The following COL22A1 variants were observed in gnomAD, a reference collection of about 807,000 sequenced individuals.
The protein encoded by COL22A1 is collagen type XXII alpha 1 chain, also known as collagen alpha-1(XXII) chain.
COL22A1 carries 221 observed loss-of-function variants against 248.9 expected under a neutral mutation model. The observed-to-expected ratio is 0.89, with a 90% confidence interval of 0.80 to 0.99. The LOEUF (loss-of-function observed/expected upper bound fraction) is 0.99, where lower values mean the gene tolerates loss of function less well. COL22A1 is among the 50% of genes least tolerant of loss of function. COL22A1 has a pLI of 0.00. For missense variants in COL22A1, 2,240 were observed against 2,179.0 expected, an observed-to-expected ratio of 1.03 and a Z score of -0.56; for synonymous variants, 891 against 793.4, an observed-to-expected ratio of 1.12 and a Z score of -2.07.
intron 11 of COL22A1, 115 bp from the exon 12 acceptor site, chr8:138,796,972 G>C: frequency 8.0e-6 from 6 of 754,156 alleles, no homozygotes; most frequent in Non-Finnish European, 2.4e-6. Flanking sequence ...CATCAGCTCT[G>C]CCCAGTAGCC....
intron 3 of COL22A1, among the ~76,000 whole-genome samples, chr8:138,850,699 C>T (rs780044225): frequency 6.6e-6 from 1 of 152,218 alleles, no homozygotes; most frequent in South Asian, 2.1e-4. Context: ...GGGGAAAGAA[C>T]CTCGAGCTCC....
intron 25 of COL22A1, 38 bp downstream of exon 25, chr8:138,724,577 G>A: frequency 6.2e-7 from 1 of 1,601,338 alleles, no homozygotes. Flanking sequence ...AATGGGGAGA[G>A]GGAGGAGGGG....
chr8:138,863,272 T>C (rs1048378724), intron 3 of COL22A1, among the ~76,000 whole-genome samples: 27 of 152,226 alleles, frequency 1.8e-4, no homozygotes, highest in African/African-American at 6.0e-4. Context: ...CTGTTGCCCA[T>C]CTAGGGACAG....
intron 20 of COL22A1, 80 bp from the exon 21 acceptor site, chr8:138,755,290 C>T: frequency 6.9e-7 from 1 of 1,450,970 alleles, no homozygotes. Context: ...ATGGCCCTCT[C>T]CTGACTCAAA....
In COL22A1 at chr8:138,685,325, G is replaced by T. The variant is rs1399855383; in HGVS notation, c.2863-13C>A. ...CCCCCGCTGCACCCTGGAAAGAAAA[G>T]TAGACATTTCCCAGGGTCAATTACA... On this transcript the variant is annotated splice_polypyrimidine_tract_variant and intron_variant, in intron 37 of 64. Coordinates refer to ENST00000303045, the MANE Select transcript of COL22A1 (RefSeq NM_152888.3). 1 of 1,608,578 alleles carries T rather than the reference G, an allele frequency of 6.2e-7. No individual in the cohort carries two copies. The highest frequency in any genetic ancestry group is 8.5e-7 in the Non-Finnish European group (1 of 1,175,408).
chr8:138,692,012 C>T (rs56651252), intron 35 of COL22A1, among the ~76,000 whole-genome samples: 2 of 83,132 alleles, frequency 2.4e-5, no homozygotes, highest in South Asian at 7.3e-4. Flanking sequence ...GTGCATGTTT[C>T]TGGAGGTGTA....
chr8:138,842,284 A>C (rs1454581803), intron 4 of COL22A1, among the ~76,000 whole-genome samples: 1 of 152,256 alleles, frequency 6.6e-6, no homozygotes, highest in Non-Finnish European at 1.5e-5. Flanking sequence ...TTTGGCACAC[A>C]GTAAATGCTC....
At chr8:138,660,967 C>T (rs1587796203) in intron 43 of COL22A1, among the ~76,000 whole-genome samples, 1 of 58,684 alleles carries the variant, frequency 1.7e-5, no homozygotes, top group East Asian at 4.7e-4. Context: ...CACACACGCA[C>T]ACACACATAC....
At chr8:138,829,701 A>C (rs1239217475) in intron 5 of COL22A1, among the ~76,000 whole-genome samples, 1 of 151,942 alleles carries the variant, frequency 6.6e-6, no homozygotes, top group Non-Finnish European at 1.5e-5. Flanking sequence ...TGGCCTCCCA[A>C]AGTGCTAGGA....
rs374503772 is a variant in COL22A1, at chr8:138,606,468, T to C, written c.4033-16A>G. The C allele has an allele frequency of 6.2e-7, 1 of 1,612,096 alleles. No individual in the cohort carries two copies. Among genetic ancestry groups the C allele is most frequent in the Non-Finnish European group, 8.5e-7 (1 of 1,179,196 alleles). On this transcript the variant is annotated splice_polypyrimidine_tract_variant and intron_variant, in intron 57 of 64. Coordinates refer to ENST00000303045, the MANE Select transcript of COL22A1 (RefSeq NM_152888.3). ...CTTTCTGGCCCTGCAAAGAGAAAAC[T>C]GAGAATTAATTCCTCAAGGTCACGT...
chr8:138,879,618 G>A (rs1408956010), intron 2 of COL22A1, among the ~76,000 whole-genome samples: 5 of 149,432 alleles, frequency 3.3e-5, no homozygotes, highest in African/African-American at 1.2e-4. Context: ...TTTGAGCCGG[G>A]AGGTGGAGGT....
intron 12 of COL22A1, among the ~76,000 whole-genome samples, chr8:138,793,315 G>A (rs1030613563): frequency 6.6e-6 from 1 of 151,970 alleles, no homozygotes; most frequent in African/African-American, 2.4e-5. Flanking sequence ...GGCCCACTCT[G>A]GTCTCCTCAT....
At position 138,627,018 on chromosome 8, in the gene COL22A1, G is replaced by T. The variant is rs1023381553; in HGVS notation, c.3664-775C>A. 3.9e-5 allele frequency among the ~76,000 whole-genome samples: 6 copies of T among 152,218 alleles called. No homozygotes were observed. The East Asian group carries it at 1.2e-3, about 29-fold the overall frequency. ...GTGCTTACTGGGAGATAAGACACAGGTGCCAGGTTTTACATTCTAATTCAC... is the reference window on the plus strand; with the variant it reads ...GTGCTTACTGGGAGATAAGACACAGTTGCCAGGTTTTACATTCTAATTCAC... On this transcript the variant is annotated intron_variant, in intron 50 of 64. Coordinates refer to ENST00000303045, the MANE Select transcript of COL22A1 (RefSeq NM_152888.3).
chr8:138,716,111 A>G, intron 29 of COL22A1, 116 bp downstream of exon 29: 6 of 787,824 alleles, frequency 7.6e-6, no homozygotes, highest in Admixed American at 2.8e-5. Context: ...TGAGAAATAC[A>G]CTCTTCACCC....
At chr8:138,775,199 G>A (rs1412356226) in intron 16 of COL22A1, among the ~76,000 whole-genome samples, 2 of 152,282 alleles carry the variant, frequency 1.3e-5, no homozygotes, top group Admixed American at 6.5e-5. Context: ...GCTCCAGATC[G>A]TAAGGAACTC....
intron 1 of COL22A1, among the ~76,000 whole-genome samples, chr8:138,903,959 A>AT (rs1455660695): frequency 6.6e-6 from 1 of 152,130 alleles, no homozygotes; most frequent in Non-Finnish European, 1.5e-5. Context: ...CGAGAACAAG[A>AT]TAAGATGCTT....
chr8:138,837,694 G>A lies in COL22A1; in HGVS notation c.734-4544C>T, dbSNP rs933169481. On this transcript the variant is annotated intron_variant, in intron 4 of 64. Transcript: ENST00000303045. ...GCCTGAGGAGCCCCAGCAGTGGGAG[G>A]GGCTGGTGCCTCTGAATGGGGGAGC... 4.6e-5 allele frequency among the ~76,000 whole-genome samples: 7 copies of A among 152,288 alleles called. No homozygotes were observed. The South Asian group carries it at 1.5e-3, about 32-fold the overall frequency.
chr8:138,636,734 AT>A lies in COL22A1; in HGVS notation c.3555+7del. 1 of 1,610,588 alleles carries A rather than the reference AT, an allele frequency of 6.2e-7. No individual in the cohort carries two copies. Among genetic ancestry groups the A allele is most frequent in the Non-Finnish European group, 8.5e-7 (1 of 1,176,962 alleles). ...GGGTGAATGGTTCCTTATAAAGTAA[AT>A]TTTTACCTGATCACCTTTCTGCCCA... On this transcript the variant is annotated splice_region_variant and intron_variant, in intron 48 of 64. Coordinates refer to ENST00000303045, the MANE Select transcript of COL22A1 (RefSeq NM_152888.3).
chr8:138,775,910 C>A (rs1427577481), intron 16 of COL22A1, 56 bp downstream of exon 16: 3 of 1,541,020 alleles, frequency 1.9e-6, no homozygotes, highest in East Asian at 2.2e-5. Context: ...GTTCCATGCA[C>A]CCTCTCCCTT....
Sources: gnomAD v4.1 joint callset for allele counts (sites outside exome capture counted in the v4.1 genomes callset) on GRCh38, gnomAD v4.1.1 for gene constraint, MANE v1.5 for transcripts, NCBI Gene and HGNC (gene_info 2026-07-23, HGNC 2026-07-21) for gene names.